MID1: variants seen among roughly 807,000 people sequenced by gnomAD.
MID1 encodes the protein midline 1.
A neutral mutation model predicts 40.4 loss-of-function variants in MID1; 7 were observed. That is an observed-to-expected ratio of 0.17 (90% CI 0.10 to 0.33). The LOEUF is 0.33. Among genes scored for constraint, MID1 ranks in the 10% least tolerant of loss-of-function variants. The probability of loss-of-function intolerance (pLI) is 1.00; values close to 1 mark genes in which losing one functional copy is unlikely to be tolerated. For missense variants in MID1, 367 were observed against 558.5 expected, an observed-to-expected ratio of 0.66 and a Z score of 3.46; for synonymous variants, 229 against 221.2, an observed-to-expected ratio of 1.04 and a Z score of -0.31.
intron 1 of MID1, among the ~76,000 whole-genome samples, chrX:10,595,478 A>C (rs1219534890): frequency 6.3e-5 from 7 of 111,876 alleles, no homozygotes; most frequent in African/African-American, 2.3e-4. Context: ...CAATTACTAC[A>C]TGGAACAAAC....
At chrX:10,730,595 G>A (rs929004649) in intron 1 of MID1, among the ~76,000 whole-genome samples, 2 of 91,251 alleles carry the variant, frequency 2.2e-5, no homozygotes, top group Admixed American at 2.5e-4. Flanking sequence ...TTTCTGAGAC[G>A]GAGTCTCGCT....
intron 1 of MID1, among the ~76,000 whole-genome samples, chrX:10,639,396 G>A (rs1316320380): frequency 8.9e-6 from 1 of 111,988 alleles, no homozygotes; most frequent in Non-Finnish European, 1.9e-5. Flanking sequence ...ATTTGATCAA[G>A]TGGAAGAAAG....
At chrX:10,528,604 T>C (rs1391248690) in intron 2 of MID1, among the ~76,000 whole-genome samples, 1 of 111,896 alleles carries the variant, frequency 8.9e-6, no homozygotes, top group East Asian at 2.8e-4. Context: ...CAATGAAACT[T>C]TATTTACCAA....
chrX:10,683,767 C>A (rs1224793760), intron 1 of MID1, among the ~76,000 whole-genome samples: 4 of 78,175 alleles, frequency 5.1e-5, no homozygotes, highest in South Asian at 6.9e-4. Flanking sequence ...AATTGCACGT[C>A]ATCTTTTTTT....
At chrX:10,826,762 T>C (rs781767549) in intron 1 of MID1, among the ~76,000 whole-genome samples, 2 of 112,689 alleles carry the variant, frequency 1.8e-5, no homozygotes, top group African/African-American at 6.4e-5. Flanking sequence ...GTCTGTGTGA[T>C]ATTTCATCAA....
chrX:10,537,092 A>G (rs1202475795), intron 2 of MID1, among the ~76,000 whole-genome samples: 1 of 111,099 alleles, frequency 9.0e-6, no homozygotes, highest in Non-Finnish European at 1.9e-5. Flanking sequence ...TGAAGATAGA[A>G]CTCAGATGTT....
At chrX:10,808,316 A>G (rs1487877817) in intron 1 of MID1, among the ~76,000 whole-genome samples, 1 of 111,418 alleles carries the variant, frequency 9.0e-6, no homozygotes, top group Non-Finnish European at 1.9e-5. Context: ...CCTCTCTGTA[A>G]TGGTCCTCTA....
chrX:10,748,063 C>T (rs1238279638), intron 1 of MID1, among the ~76,000 whole-genome samples: 3 of 110,768 alleles, frequency 2.7e-5, no homozygotes, highest in Admixed American at 1.9e-4. Context: ...TGCTAGCAGC[C>T]CAAATCATTA....
At chrX:10,669,430 C>T (rs919747407) in intron 1 of MID1, among the ~76,000 whole-genome samples, 12 of 110,821 alleles carry the variant, frequency 1.1e-4, no homozygotes, top group Admixed American at 7.7e-4. Context: ...TTTCCCATGC[C>T]CCAAGGCACC....
chrX:10,506,309 A>C, intron 3 of MID1: 2 of 1,052,351 alleles, frequency 1.9e-6, no homozygotes, highest in Non-Finnish European at 2.4e-6. Context: ...ATCCTCCCCA[A>C]GAAGGATATG....
rs374532102 is a variant in MID1 at position 10,676,294 on chromosome X, G to C, written c.-186-55875C>G. 5.1e-4 allele frequency among the ~76,000 whole-genome samples: 57 copies of C among 111,922 alleles called. 1 individual carries two copies. The East Asian group carries it at 6.2e-3, about 12-fold the overall frequency. On this transcript the variant is annotated intron_variant, in intron 1 of 10. Coordinates refer to the MID1 transcript ENST00000380785. ...CTCAGAAGTGATGCTAATCAAGTTT[G>C]GGAAAAGTAAAATTGTTCTGTGGCT...
chrX:10,496,166 C>T (rs1931242047), intron 3 of MID1, among the ~76,000 whole-genome samples: 1 of 112,450 alleles, frequency 8.9e-6, no homozygotes, highest in Admixed American at 9.4e-5. Context: ...GCCTGTATCA[C>T]ATTTGACATT....
intron 1 of MID1, among the ~76,000 whole-genome samples, chrX:10,739,649 T>G (rs1227128177): frequency 9.0e-6 from 1 of 111,673 alleles, no homozygotes; most frequent in African/African-American, 3.3e-5. Flanking sequence ...TGCCAATGGG[T>G]TGGGTGGAAT....
intron 1 of MID1, among the ~76,000 whole-genome samples, chrX:10,593,782 C>CAT (rs1398388630): frequency 9.2e-6 from 1 of 108,577 alleles, no homozygotes; most frequent in Non-Finnish European, 1.9e-5. Flanking sequence ...CACACACACA[C>CAT]ACACACACAC....
rs1386926515 is a variant in MID1, at chrX:10,805,909, G to C, written c.-187+27645C>G. ...TGTTCATGTCCTTCACCCACTTTTT[G>C]ATGGGGTTGTTTGTTTTTTTCTTGT... On this transcript the variant is annotated intron_variant, in intron 1 of 10. Transcript: ENST00000380785. 1.4e-4 allele frequency among the ~76,000 whole-genome samples: 15 copies of C among 109,917 alleles called. No individual in the cohort carries two copies. The South Asian group carries it at 5.5e-3, about 40-fold the overall frequency.
At chrX:10,530,426 T>C (rs1236307201) in intron 2 of MID1, among the ~76,000 whole-genome samples, 1 of 112,361 alleles carries the variant, frequency 8.9e-6, no homozygotes, top group Non-Finnish European at 1.9e-5. Context: ...ATTTAGTTTC[T>C]TAATATTAAG....
chrX:10,764,325 T>C (rs1389805310), intron 1 of MID1, among the ~76,000 whole-genome samples: 3 of 111,743 alleles, frequency 2.7e-5, no homozygotes, highest in African/African-American at 6.5e-5. Flanking sequence ...CTTTAATCCA[T>C]CTTGAACTAA....
chrX:10,828,517 C>T (rs191024692), intron 1 of MID1, among the ~76,000 whole-genome samples: 7 of 111,505 alleles, frequency 6.3e-5, no homozygotes, highest in Non-Finnish European at 1.1e-4. Context: ...TTATAAAATA[C>T]GGTACTTTTG....
At chrX:10,791,279 T>G (rs1478364708) in intron 1 of MID1, among the ~76,000 whole-genome samples, 1 of 111,520 alleles carries the variant, frequency 9.0e-6, no homozygotes, top group Non-Finnish European at 1.9e-5. Context: ...AAGATGAGAA[T>G]GTAAAGAGAA....
Sources: gnomAD v4.1 joint callset for allele counts (sites outside exome capture counted in the v4.1 genomes callset) on GRCh38, gnomAD v4.1.1 for gene constraint, MANE v1.5 for transcripts, NCBI Gene and HGNC (gene_info 2026-07-23, HGNC 2026-07-21) for gene names.